CHRNB4: variants seen among roughly 807,000 people sequenced by gnomAD.
CHRNB4 encodes neuronal acetylcholine receptor subunit beta-4.
CHRNB4 carries 23 observed loss-of-function variants against 40.4 expected under a neutral mutation model. That is an observed-to-expected ratio of 0.57 (90% CI 0.41 to 0.81). The LOEUF is 0.81. Ranked by LOEUF, CHRNB4 falls within the 30% of genes least tolerant of loss-of-function variation. The pLI, the probability that CHRNB4 is intolerant of heterozygous loss-of-function variation, is 0.00. For missense variants in CHRNB4, 568 were observed against 670.6 expected, an observed-to-expected ratio of 0.85 and a Z score of 1.69; for synonymous variants, 285 against 274.4, an observed-to-expected ratio of 1.04 and a Z score of -0.38.
Position 78,640,440 on chromosome 15 carries a change from G to A in CHRNB4, c.55+639C>T, listed in dbSNP as rs543194770. Among the ~76,000 whole-genome samples the A allele has an allele frequency of 3.3e-4, 50 of 152,340 alleles. 1 individual carries two copies. The South Asian group carries it at 8.9e-3, about 27-fold the overall frequency. ...TGTCCAGGCCCGGCACACCTCGGGT[G>A]GGTGACCAGAGGCAGCGGTGCCATA... On this transcript the variant is annotated intron_variant, in intron 1 of 5. Coordinates refer to ENST00000261751, the MANE Select transcript of CHRNB4 (RefSeq NM_000750.5).
chr15:78,630,930 C>T, intron 4 of CHRNB4, 146 bp downstream of exon 4: 2 of 653,316 alleles, frequency 3.1e-6, no homozygotes, highest in Non-Finnish European at 5.4e-6. Flanking sequence ...CTGCTCACCT[C>T]TGTTTCTCTT....
chr15:78,629,336 C>T lies in CHRNB4; in HGVS notation c.969G>A (p.Ser323=), dbSNP rs145795316. 4.8e-4 allele frequency: 773 copies of T among 1,613,978 alleles called. 4 individuals are homozygous for T. The African/African-American group carries it at 7.4e-3, about 15-fold the overall frequency. ...AGGGTGCCATGGTGTGGGTGCTGGGCGAGCGGTGGTGCACATTGAGCACAC... is the reference window on the plus strand; with the variant it reads ...AGGGTGCCATGGTGTGGGTGCTGGGTGAGCGGTGGTGCACATTGAGCACAC... The part of the protein sequence containing the change: ...SVCVLNVHHR[S]PSTHTMAPWV... The change falls in exon 5 of 6, where the codon TCG becomes TCA. Residue 323 remains serine (S), a synonymous_variant. Transcript: ENST00000261751. The surrounding 1 kb of genome is among the most constrained non-coding windows in gnomAD (Gnocchi z 6.8).
At chr15:78,655,513 G>GA (rs770774029) in intron 5 of CHRNB4, 50 of 146,744 alleles carry the variant, frequency 3.4e-4, no homozygotes, top group African/African-American at 1.1e-3. Flanking sequence ...ATATAAAATA[G>GA]AAAAAATTAG....
intron 1 of CHRNB4, 145 bp downstream of exon 1, chr15:78,640,934 C>T (rs1353876491): frequency 1.0e-6 from 1 of 963,820 alleles, no homozygotes; most frequent in Admixed American, 2.6e-5. Flanking sequence ...TGGGCTCAGC[C>T]CTGCCCACGC....
chr15:78,647,843 G>C (rs1437068134), intron 7 of CHRNB4, among the ~76,000 whole-genome samples: 1 of 114,516 alleles, frequency 8.7e-6, no homozygotes, highest in Non-Finnish European at 1.6e-5. Flanking sequence ...CTGGGCAACA[G>C]AGCGAGAGAC....
chr15:78,642,021 C>T (rs2141401520), upstream of CHRNB4, among the ~76,000 whole-genome samples: 1 of 152,312 alleles, frequency 6.6e-6, no homozygotes, highest in Admixed American at 6.5e-5. Context: ...ATACCTGCTC[C>T]CTTGTGTGGG....
rs1266273758 is a variant in CHRNB4 at position 78,625,247 on chromosome 15, C to T, written c.1383G>A (p.Leu461=). 1.9e-6 allele frequency: 3 copies of T among 1,569,128 alleles called. No individual in the cohort carries two copies. Among genetic ancestry groups the T allele is most frequent in the East Asian group, 2.2e-5 (1 of 44,466 alleles). ...ACACAAACATGAACACCCACAGGAA[C>T]AGCCGGTCCACCACCATAGCCACGT... is the stretch of plus-strand genomic sequence containing the variant. ...WKYVAMVVDR[L]FLWVFMFVCV... Residue 461 remains leucine (L), a synonymous_variant, in exon 6 of 6, where the codon CTG becomes CTA. Transcript: ENST00000261751.
intron 7 of CHRNB4, among the ~76,000 whole-genome samples, chr15:78,649,165 T>TA (rs1158401767): frequency 2.6e-5 from 4 of 152,054 alleles, no homozygotes; most frequent in Admixed American, 2.6e-4. Flanking sequence ...GCTGGGGATG[T>TA]AAACTGGGGC....
chr15:78,629,884 C>T lies in CHRNB4; in HGVS notation c.421G>A (p.Val141Ile), dbSNP rs375995898. The T allele has an allele frequency of 2.6e-5, 42 of 1,612,656 alleles. No homozygotes were observed. The highest frequency in any genetic ancestry group is 9.3e-5 in the African/African-American group (7 of 75,008). ...TNLIVRSNGS[V>I]LWLPPAIYKS... ...TAGATGGCAGGGGGCAGCCACAGGA[C>T]GCTGCCGTTGGACCGGACTATCAAG... The change falls in exon 5 of 6, where the codon GTC becomes ATC. Residue 141 changes from valine to isoleucine, a missense_variant. By Grantham distance (29) the Val-to-Ile change is conservative. This residue lies in a region of CHRNB4 where 127 missense variants were observed against 167.4 expected (regional missense o/e 0.76). Coordinates refer to ENST00000261751, the MANE Select transcript of CHRNB4 (RefSeq NM_000750.5). The surrounding 1 kb of genome is among the most constrained non-coding windows in gnomAD (Gnocchi z 6.8).
exon 6 of CHRNB4, chr15:78,652,660 A>G (rs1204461566): frequency 6.6e-6 from 1 of 152,258 alleles, no homozygotes; most frequent in Non-Finnish European, 1.5e-5. Flanking sequence ...TGGTGACTCC[A>G]CGACTTTCCA....
intron 6 of CHRNB4, chr15:78,652,532 A>C (rs562028951): frequency 6.6e-6 from 1 of 152,404 alleles, no homozygotes; most frequent in South Asian, 2.1e-4. Flanking sequence ...CTGAGGCCTC[A>C]TCATCTGGGC....
upstream of CHRNB4, among the ~76,000 whole-genome samples, chr15:78,644,218 C>T (rs2054105837): frequency 6.6e-6 from 1 of 151,290 alleles, no homozygotes; most frequent in African/African-American, 2.4e-5. Flanking sequence ...ATATATCTAG[C>T]AAAATATACG....
chr15:78,633,603 C>A (rs571513706), intron 2 of CHRNB4, among the ~76,000 whole-genome samples: 1 of 152,172 alleles, frequency 6.6e-6, no homozygotes, highest in Admixed American at 6.5e-5. Context: ...CTCAAACTTA[C>A]CCCCTGAGCT....
At chr15:78,631,217 A>G in intron 3 of CHRNB4, 32 bp from the exon 4 acceptor site, 1 of 1,612,984 alleles carries the variant, frequency 6.2e-7, no homozygotes. Flanking sequence ...TGTCACTTGC[A>G]GGTCCACTGC....
chr15:78,647,338 T>A (rs1327721451), intron 7 of CHRNB4, among the ~76,000 whole-genome samples: 1 of 151,414 alleles, frequency 6.6e-6, no homozygotes, highest in East Asian at 1.9e-4. Flanking sequence ...TATAAACATT[T>A]TATATATATA....
intron 2 of CHRNB4, among the ~76,000 whole-genome samples, chr15:78,657,865 T>A (rs540425313): frequency 3.0e-4 from 46 of 151,516 alleles, no homozygotes; most frequent in African/African-American, 1.1e-3. Flanking sequence ...GCATCATAAT[T>A]TAAATAAAGT....
intron 1 of CHRNB4, among the ~76,000 whole-genome samples, chr15:78,636,687 G>A (rs904852909): frequency 1.3e-5 from 2 of 151,130 alleles, no homozygotes; most frequent in Non-Finnish European, 2.9e-5. Context: ...GGATTCAAAG[G>A]ATCCTCCCAC....
At chr15:78,642,447 C>T (rs2054088452), upstream of CHRNB4, among the ~76,000 whole-genome samples, 1 of 152,182 alleles carries the variant, frequency 6.6e-6, no homozygotes, top group Non-Finnish European at 1.5e-5. Flanking sequence ...GCTTTGGAAA[C>T]CAAAGACAGT....
rs56218866 is a variant in CHRNB4, at chr15:78,629,887, T to C, written c.418A>G (p.Ser140Gly). 9.7e-3 allele frequency: 15,596 copies of C among 1,612,488 alleles called. 277 individuals carry two copies. The highest frequency in any genetic ancestry group is 0.075 in the East Asian group (3,364 of 44,862). The change falls in exon 5 of 6, where the codon AGC (serine) becomes GGC (glycine). Residue 140 changes from serine (S) to glycine (G), a missense_variant. This residue lies in a region of CHRNB4 where 127 missense variants were observed against 167.4 expected (regional missense o/e 0.76). Coordinates refer to ENST00000261751, the MANE Select transcript of CHRNB4 (RefSeq NM_000750.5). This position sits in a 1 kb window ranked among gnomAD's most constrained non-coding sequence, Gnocchi z 6.8. The stretch of plus-strand genomic sequence containing the variant: ...ATGGCAGGGGGCAGCCACAGGACGC[T>C]GCCGTTGGACCGGACTATCAAGTTG... ...YTNLIVRSNG[S>G]VLWLPPAIYK...
Sources: allele counts gnomAD v4.1 joint callset (sites outside exome capture counted in the v4.1 genomes callset), GRCh38; gene constraint gnomAD v4.1.1; regional missense constraint gnomAD v4.1.1; non-coding constraint Gnocchi (gnomAD v3.1); transcripts MANE v1.5; gene names NCBI Gene and HGNC (gene_info 2026-07-23, HGNC 2026-07-21).